The following SMIM14 variants were observed in gnomAD, a reference collection of about 807,000 sequenced individuals.
SMIM14 encodes the protein small integral membrane protein 14.
A neutral mutation model predicts 12.6 loss-of-function variants in SMIM14; 5 were observed. The ratio of observed to expected loss-of-function variants is 0.40; its 90% confidence interval spans 0.21 to 0.83. SMIM14 has a LOEUF of 0.83. Among genes scored for constraint, SMIM14 ranks in the 40% least tolerant of loss-of-function variants. The pLI is 0.37. For synonymous variants in SMIM14, 30 were observed against 40.1 expected, an observed-to-expected ratio of 0.75 and a Z score of 0.95; for missense variants, 86 against 119.1, an observed-to-expected ratio of 0.72 and a Z score of 1.29.
At chr4:39,570,077 T>C (rs753513184) in intron 3 of SMIM14, among the ~76,000 whole-genome samples, 10 of 152,370 alleles carry the variant, frequency 6.6e-5, no homozygotes, top group South Asian at 2.1e-4. Flanking sequence ...GCCACTGCTT[T>C]GAGTTACTTT....
chr4:39,562,726 C>T (rs1030569656), intron 3 of SMIM14, among the ~76,000 whole-genome samples: 9 of 151,792 alleles, frequency 5.9e-5, no homozygotes, highest in African/African-American at 1.9e-4. Context: ...AGGCTGATCT[C>T]GAATTCCTGA....
intron 2 of SMIM14, among the ~76,000 whole-genome samples, chr4:39,599,933 CAAAAAAA>C (rs56285045): frequency 8.7e-6 from 1 of 115,092 alleles, no homozygotes; most frequent in Non-Finnish European, 1.8e-5. Flanking sequence ...AAAACAACAA[CAAAAAAA>C]AAAAAAAAAA....
At chr4:39,555,043 C>T (rs1711938629) in intron 4 of SMIM14, among the ~76,000 whole-genome samples, 1 of 151,734 alleles carries the variant, frequency 6.6e-6, no homozygotes, top group African/African-American at 2.4e-5. Flanking sequence ...ACCATGTTGG[C>T]CAGGCTGGTC....
chr4:39,564,363 G>T (rs1712468011), intron 3 of SMIM14, among the ~76,000 whole-genome samples: 1 of 151,764 alleles, frequency 6.6e-6, no homozygotes, highest in Non-Finnish European at 1.5e-5. Flanking sequence ...TCTCCTACAG[G>T]CTGAGTATTC....
At position 39,631,520 on chromosome 4, in the gene SMIM14, A is replaced by G. The variant is rs188791807; in HGVS notation, c.-36+7219T>C. On this transcript the variant is annotated intron_variant, in intron 1 of 4. Coordinates refer to ENST00000295958, the MANE Select transcript of SMIM14 (RefSeq NM_174921.3). ...AAAAATACAAAAAAATTAGCCGGGCATGGTGGCAGGTACCTGTAGTCCCAG... is the reference window on the plus strand; with the variant it reads ...AAAAATACAAAAAAATTAGCCGGGCGTGGTGGCAGGTACCTGTAGTCCCAG... 3.6e-3 allele frequency among the ~76,000 whole-genome samples: 547 copies of G among 152,032 alleles called. 3 individuals are homozygous for G. Among genetic ancestry groups the G allele is most frequent in the African/African-American group, 0.013 (523 of 41,470 alleles).
intron 2 of SMIM14, chr4:39,593,647 A>G (rs1305268056): frequency 6.6e-6 from 1 of 152,192 alleles, no homozygotes; most frequent in South Asian, 2.1e-4. Context: ...GTATATCTAG[A>G]AAACCCCATT....
At chr4:39,561,881 C>T (rs941301107) in intron 3 of SMIM14, among the ~76,000 whole-genome samples, 44 of 151,950 alleles carry the variant, frequency 2.9e-4, no homozygotes, top group African/African-American at 9.9e-4. Context: ...CGCAGTGAGC[C>T]GAGATCGTGC....
intron 2 of SMIM14, among the ~76,000 whole-genome samples, chr4:39,581,518 C>CT (rs1432369898): frequency 0.016 from 2,150 of 132,008 alleles, 62 homozygotes; most frequent in African/African-American, 0.049. Context: ...TTTTCTTTTT[C>CT]TTTTTTTTTT....
intron 2 of SMIM14, among the ~76,000 whole-genome samples, chr4:39,576,660 G>GTA (rs1298743756): frequency 0.012 from 865 of 72,258 alleles, 22 homozygotes; most frequent in African/African-American, 0.05. Context: ...GTGTGTATGT[G>GTA]TATATATATA....
intron 1 of SMIM14, among the ~76,000 whole-genome samples, chr4:39,622,768 C>T (rs925568105): frequency 4.6e-5 from 7 of 152,312 alleles, no homozygotes; most frequent in African/African-American, 1.4e-4. Context: ...AAACATAAAA[C>T]TTTAACATCT....
intron 1 of SMIM14, among the ~76,000 whole-genome samples, chr4:39,618,649 C>CAAAAAAAAAAAAAAAAAAA (rs34837742): frequency 1.1e-5 from 1 of 92,426 alleles, no homozygotes; most frequent in Non-Finnish European, 2.1e-5. Context: ...GACTCCATCT[C>CAAAAAAAAAAAAAAAAAAA]AAAAAAAAAA....
intron 2 of SMIM14, among the ~76,000 whole-genome samples, chr4:39,602,370 G>A (rs1362334634): frequency 2.6e-5 from 4 of 151,618 alleles, no homozygotes; most frequent in African/African-American, 7.3e-5. Context: ...CGAGGCAGGC[G>A]GATCACCTGA....
intron 2 of SMIM14, among the ~76,000 whole-genome samples, chr4:39,587,043 T>C (rs1713816303): frequency 6.6e-6 from 1 of 151,830 alleles, no homozygotes; most frequent in Non-Finnish European, 1.5e-5. Context: ...CTTCCAAAGG[T>C]CCCACCTCCA....
chr4:39,592,704 A>C (rs1264984343), intron 2 of SMIM14: 1 of 152,206 alleles, frequency 6.6e-6, no homozygotes, highest in Non-Finnish European at 1.5e-5. Flanking sequence ...GACGCAATAA[A>C]AAATGATAAA....
rs1489375757 is a variant in SMIM14 at position 39,547,370 on chromosome 4, C to G, written c.*4756G>C. Reference sequence around the variant, plus strand: ...AGCCCTTTATCCCAATCCAAGTACTCAGAAAAAGATTAACAACAGACCCTG... The same window carrying G: ...AGCCCTTTATCCCAATCCAAGTACTGAGAAAAAGATTAACAACAGACCCTG... On this transcript the variant is annotated 3_prime_UTR_variant, in exon 5 of 5. Coordinates refer to ENST00000295958, the MANE Select transcript of SMIM14 (RefSeq NM_174921.3). 1 of 152,164 alleles carries G rather than the reference C, an allele frequency of 6.6e-6. No homozygotes were observed. Among genetic ancestry groups the G allele is most frequent in the African/African-American group, 2.4e-5 (1 of 41,432 alleles). 9.4% of individuals were successfully genotyped at this position (152,164 alleles called of 1,614,324 possible).
intron 2 of SMIM14, among the ~76,000 whole-genome samples, chr4:39,597,728 A>T (rs1207936122): frequency 6.6e-5 from 10 of 152,044 alleles, no homozygotes; most frequent in Admixed American, 6.6e-4. Flanking sequence ...AATGTTCATG[A>T]TTTTTCCTAT....
chr4:39,598,875 C>G (rs986949610), intron 2 of SMIM14, among the ~76,000 whole-genome samples: 2 of 151,736 alleles, frequency 1.3e-5, no homozygotes, highest in Admixed American at 6.6e-5. Context: ...TGCAACTAAG[C>G]CAGCTCCCTG....
At chr4:39,560,254 T>C (rs1442143937) in intron 3 of SMIM14, among the ~76,000 whole-genome samples, 3 of 150,390 alleles carry the variant, frequency 2.0e-5, no homozygotes, top group Non-Finnish European at 4.4e-5. Flanking sequence ...TCTTTTCTTT[T>C]TTTTTTTTTT....
At chr4:39,579,123 A>G (rs892338928) in intron 2 of SMIM14, among the ~76,000 whole-genome samples, 1 of 151,920 alleles carries the variant, frequency 6.6e-6, no homozygotes, top group Non-Finnish European at 1.5e-5. Flanking sequence ...TAAAACACAT[A>G]AAAGGCCGGG....
Sources: allele counts gnomAD v4.1 joint callset (sites outside exome capture counted in the v4.1 genomes callset), GRCh38; gene constraint gnomAD v4.1.1; transcripts MANE v1.5; gene names NCBI Gene and HGNC (gene_info 2026-07-23, HGNC 2026-07-21).